Variants in ATAD3B observed in about 807,000 individuals in gnomAD.
ATAD3B encodes ATPase family AAA domain containing 3B.
A neutral mutation model predicts 70.2 loss-of-function variants in ATAD3B; 59 were observed. The observed-to-expected ratio is 0.84, with a 90% CI of 0.68 to 1.04. ATAD3B has a LOEUF of 1.04. Among genes scored for constraint, ATAD3B ranks in the 50% least tolerant of loss-of-function variants. The probability of loss-of-function intolerance (pLI) is 0.00; values close to 1 mark genes in which losing one functional copy is unlikely to be tolerated. For missense variants in ATAD3B, 961 were observed against 913.4 expected, an observed-to-expected ratio of 1.05 and a Z score of -0.67; for synonymous variants, 423 against 388.6, an observed-to-expected ratio of 1.09 and a Z score of -1.04.
At chr1:1,487,740 G>C (rs1640302278) in intron 11 of ATAD3B, 123 bp from the exon 12 acceptor site, 3 of 1,242,426 alleles carry the variant, frequency 2.4e-6, no homozygotes, top group South Asian at 1.2e-5. Context: ...TAGGGCTCCT[G>C]ATGGGGCAGA....
chr1:1,486,540 C>G lies in ATAD3B; in HGVS notation c.1090-4C>G. 6.2e-7 allele frequency: 1 copy of G among 1,612,022 alleles called. No individual in the cohort carries two copies. The highest frequency in any genetic ancestry group is 1.7e-4 in the Middle Eastern group (1 of 6,054). On this transcript the variant is annotated splice_polypyrimidine_tract_variant and splice_region_variant and intron_variant, in intron 10 of 15. Transcript: ENST00000673477. ...TTCTGTCTCCCCTCACTCTTCTTGTCCAGAAACTCGCCCTGCACTCAGGCA... is the reference window on the plus strand; with the variant it reads ...TTCTGTCTCCCCTCACTCTTCTTGTGCAGAAACTCGCCCTGCACTCAGGCA...
downstream of ATAD3B, among the ~76,000 whole-genome samples, chr1:1,498,635 T>G (rs1619719): frequency 3.4e-4 from 52 of 151,814 alleles, 1 homozygote; most frequent in Middle Eastern, 3.4e-3. Context: ...CTCCAACTCC[T>G]GGGCTCAAGC....
At chr1:1,474,215 C>CG (rs1376023434) in intron 1 of ATAD3B, among the ~76,000 whole-genome samples, 1 of 149,320 alleles carries the variant, frequency 6.7e-6, no homozygotes, top group Non-Finnish European at 1.5e-5. Flanking sequence ...TTTTTTTTGA[C>CG]GGAGTCTCGC....
At position 1,489,340 on chromosome 1, in the gene ATAD3B, C is replaced by G. The variant is rs1640404239; in HGVS notation, c.1337+66C>G. Reference sequence around the variant, plus strand: ...GTGCAGCCGTCGCCCTTGGTTCCCACTGAGGGTCCCTGGCTCACAGTGCTG... The same window carrying G: ...GTGCAGCCGTCGCCCTTGGTTCCCAGTGAGGGTCCCTGGCTCACAGTGCTG... On this transcript the variant is annotated intron_variant, in intron 13 of 15. Transcript: ENST00000673477. The G allele has an allele frequency of 3.7e-6, 6 of 1,607,040 alleles. 1 individual carries two copies. In the African/African-American group the frequency reaches 4.0e-5, roughly 11 times the overall value.
At position 1,496,251 on chromosome 1, in the gene ATAD3B, C is replaced by T. The variant is rs1444918624; in HGVS notation, c.*434C>T. Reference sequence around the variant, plus strand: ...ACACTGCTCGGGGTTTCAGGGGCGCCCTAGCGTCCTCCTGGGGTCAAAGGT... The same window carrying T: ...ACACTGCTCGGGGTTTCAGGGGCGCTCTAGCGTCCTCCTGGGGTCAAAGGT... On this transcript the variant is annotated 3_prime_UTR_variant, in exon 16 of 16. Coordinates refer to ENST00000673477, the MANE Select transcript of ATAD3B (RefSeq NM_031921.6). 1 of 995,488 alleles carries T rather than the reference C, an allele frequency of 1.0e-6. No homozygotes were observed. The highest frequency in any genetic ancestry group is 5.7e-5 in the Admixed American group (1 of 17,398). 61.7% of individuals were successfully genotyped at this position (995,488 alleles called of 1,614,324 possible).
At chr1:1,485,622 T>G (rs111376501) in intron 8 of ATAD3B, among the ~76,000 whole-genome samples, 160 bp from the exon 9 acceptor site, 9,302 of 150,332 alleles carry the variant, frequency 0.062, 759 homozygotes, top group African/African-American at 0.18. Context: ...AGCAATAGCC[T>G]CCTGGTCTCC....
In ATAD3B at chr1:1,483,018, G is replaced by T. The variant is rs769750995; in HGVS notation, c.750+404G>T. The T allele has an allele frequency of 4.6e-5, 21 of 457,904 alleles. 1 individual carries two copies. The highest frequency in any genetic ancestry group is 8.3e-5 in the Non-Finnish European group (19 of 229,576). 28.4% of individuals were successfully genotyped at this position (457,904 alleles called of 1,614,324 possible). A position where few individuals can be genotyped will look rare whatever the true frequency, so the allele number is the denominator to read the frequency against. On this transcript the variant is annotated intron_variant, in intron 7 of 15. Transcript: ENST00000673477. Reference sequence around the variant, plus strand: ...CTTGTCTCAAGAAAAAAATGGCCAGGCGGTAGTGGCTCAGGCCTGTAATCC... The same window carrying T: ...CTTGTCTCAAGAAAAAAATGGCCAGTCGGTAGTGGCTCAGGCCTGTAATCC...
chr1:1,478,241 G>C lies in ATAD3B; in HGVS notation c.283-403G>C, dbSNP rs151323627. 180 of 539,480 alleles carry C rather than the reference G, an allele frequency of 3.3e-4. 2 individuals carry two copies. Among genetic ancestry groups the C allele is most frequent in the African/African-American group, 3.2e-3 (169 of 52,836 alleles). 33.4% of individuals were successfully genotyped at this position (539,480 alleles called of 1,614,324 possible). On this transcript the variant is annotated intron_variant, in intron 2 of 15. Transcript: ENST00000673477. ...TGAACTCCTGACCTCAGGTGATCCA[G>C]CCACTTTGGCCTCACAAAGTGCTGG...
intron 5 of ATAD3B, 131 bp downstream of exon 5, chr1:1,481,067 G>A: frequency 6.7e-7 from 1 of 1,483,116 alleles, no homozygotes; most frequent in South Asian, 1.3e-5. Flanking sequence ...GCCTGCTGGG[G>A]CTCTGCGGGG....
Position 1,485,981 on chromosome 1 carries a change from G to GT in ATAD3B, c.964-129_964-128insT, listed in dbSNP as rs543194727. ...AACTGCTTGGACTGTGCCGGGGATAGATAGGCTGCCCACGAGCTGGGCGGC... is the reference window on the plus strand; with the variant it reads ...AACTGCTTGGACTGTGCCGGGGATAGTATAGGCTGCCCACGAGCTGGGCGGC... On this transcript the variant is annotated intron_variant, in intron 9 of 15. Coordinates refer to ENST00000673477, the MANE Select transcript of ATAD3B (RefSeq NM_031921.6). 1.2e-4 allele frequency: 183 copies of GT among 1,590,574 alleles called. 3 individuals are homozygous for GT. The South Asian group carries it at 2.0e-3, about 17-fold the overall frequency.
At chr1:1,489,005 C>T (rs531965573) in intron 12 of ATAD3B, among the ~76,000 whole-genome samples, 199 bp from the exon 13 acceptor site, 10 of 151,984 alleles carry the variant, frequency 6.6e-5, no homozygotes, top group African/African-American at 9.6e-5. Flanking sequence ...TCAGGTGATC[C>T]GCCTGCCTCA....
intron 13 of ATAD3B, 115 bp from the exon 14 acceptor site, chr1:1,490,142 C>G: frequency 1.3e-6 from 2 of 1,488,694 alleles, no homozygotes; most frequent in Non-Finnish European, 1.8e-6. Flanking sequence ...TGCTCACAAG[C>G]TGCCGCTTTA....
At chr1:1,502,587 C>G (rs1640969138), downstream of ATAD3B, among the ~76,000 whole-genome samples, 1 of 145,482 alleles carries the variant, frequency 6.9e-6, no homozygotes, top group Non-Finnish European at 1.5e-5. Flanking sequence ...TCTTGTCTCA[C>G]TGCAACCTCC....
rs1640136197 is a variant in ATAD3B, at chr1:1,485,145, C to T, written c.880C>T (p.Leu294=). The change falls in exon 8 of 16, where the codon CTG becomes TTG. Residue 294 remains leucine (L), a synonymous_variant. Transcript: ENST00000673477. ...GAGGGAGACGTCCCGCATCACGGTG[C>T]TGGAGGCGCTGCGGCACCCCATCCA... ...LVRETSRITV[L]EALRHPIQVS... is the part of the protein sequence containing the mutation. 1.9e-6 allele frequency: 3 copies of T among 1,610,454 alleles called. No individual in the cohort carries two copies. The highest frequency in any genetic ancestry group is 2.5e-6 in the Non-Finnish European group (3 of 1,179,492).
chr1:1,489,590 G>C (rs1225268599), intron 13 of ATAD3B: 1 of 1,177,582 alleles, frequency 8.5e-7, no homozygotes, highest in African/African-American at 1.6e-5. Flanking sequence ...GATTGCTGCC[G>C]CCCAGAGGTC....
chr1:1,500,091 T>A (rs1305841445), downstream of ATAD3B, among the ~76,000 whole-genome samples: 1 of 144,710 alleles, frequency 6.9e-6, no homozygotes, highest in Non-Finnish European at 1.5e-5. Flanking sequence ...AGAGACGGGG[T>A]TTCACCATGT....
At chr1:1,486,339 C>T in intron 10 of ATAD3B, 104 bp downstream of exon 10, 1 of 1,598,738 alleles carries the variant, frequency 6.3e-7, no homozygotes. Flanking sequence ...CCCCCTTAGG[C>T]CTTTGCCTAC....
chr1:1,487,778 T>A (rs940496964), intron 11 of ATAD3B, 85 bp from the exon 12 acceptor site: 1 of 1,529,034 alleles, frequency 6.5e-7, no homozygotes, highest in African/African-American at 1.4e-5. Flanking sequence ...TCTGCCTGCC[T>A]GGCCTGCTCC....
chr1:1,496,142 G>A lies in ATAD3B; in HGVS notation c.*325G>A, dbSNP rs1337734701. The A allele has an allele frequency of 9.7e-5, 107 of 1,108,400 alleles. 1 individual carries two copies. The highest frequency in any genetic ancestry group is 1.1e-4 in the Non-Finnish European group (102 of 907,190). The allele number at this position is 1,108,400 out of a possible 1,614,324, so 68.7% of individuals were successfully genotyped here. On this transcript the variant is annotated 3_prime_UTR_variant, in exon 16 of 16. Coordinates refer to ENST00000673477, the MANE Select transcript of ATAD3B (RefSeq NM_031921.6). ...TCTGAGGCCGCCCTGTCAGCTGGCC[G>A]GTCCAAGCCTGTGGCTGGAGCTGGT...
Sources: gnomAD v4.1 joint callset for allele counts (sites outside exome capture counted in the v4.1 genomes callset) on GRCh38, gnomAD v4.1.1 for gene constraint, MANE v1.5 for transcripts, NCBI Gene and HGNC (gene_info 2026-07-23, HGNC 2026-07-21) for gene names.